Variants in PRKCQ observed in about 807,000 individuals in gnomAD.
PRKCQ encodes protein kinase C theta type.
Under a neutral mutation model 91.2 loss-of-function variants are expected in PRKCQ, and 41 were observed. The observed-to-expected ratio is 0.45, with a 90% CI of 0.35 to 0.58. The LOEUF (loss-of-function observed/expected upper bound fraction) is 0.58, where lower values mean the gene tolerates loss of function less well. Among genes scored for constraint, PRKCQ ranks in the 20% least tolerant of loss-of-function variants. The pLI is 0.00. For synonymous variants in PRKCQ, 307 were observed against 316.9 expected, an observed-to-expected ratio of 0.97 and a Z score of 0.33; for missense variants, 673 against 896.5, an observed-to-expected ratio of 0.75 and a Z score of 3.18.
intron 3 of PRKCQ, 150 bp downstream of exon 3, chr10:6,510,845 C>T: frequency 1.3e-6 from 1 of 764,764 alleles, no homozygotes; most frequent in Admixed American, 2.3e-5. Flanking sequence ...ATAACCATCG[C>T]CATTATCAAA....
intron 8 of PRKCQ, among the ~76,000 whole-genome samples, chr10:6,488,542 C>A (rs1449926966): frequency 1.3e-5 from 2 of 151,894 alleles, no homozygotes; most frequent in African/African-American, 4.8e-5. Context: ...CCCATCACCA[C>A]ACCCAGCTAA....
intron 14 of PRKCQ, among the ~76,000 whole-genome samples, chr10:6,460,331 A>T (rs1471202938): frequency 6.6e-6 from 1 of 151,492 alleles, no homozygotes; most frequent in Non-Finnish European, 1.5e-5. Context: ...TTAATAATTT[A>T]CATGGTGACA....
chr10:6,553,537 G>C (rs148843602), intron 1 of PRKCQ, among the ~76,000 whole-genome samples: 1 of 141,978 alleles, frequency 7.0e-6, no homozygotes, highest in South Asian at 2.3e-4. Context: ...AAAAGAAGAA[G>C]AAGAAGAAAG....
In PRKCQ at chr10:6,430,693, G is replaced by A; in HGVS notation, c.1965+117C>T. The A allele has an allele frequency of 2.1e-6, 3 of 1,405,548 alleles. No homozygotes were observed. The highest frequency in any genetic ancestry group is 2.9e-6 in the Non-Finnish European group (3 of 1,026,808). 87.1% of individuals were successfully genotyped at this position (1,405,548 alleles called of 1,614,324 possible). The stretch of plus-strand genomic sequence containing the variant: ...ACGTGCATTCCTCCTGGAGAGTGGG[G>A]CTGGTGGGGAGTTGGGGCACCGGCA... On this transcript the variant is annotated intron_variant, in intron 17 of 17. Transcript: ENST00000263125. This position sits in a 1 kb window ranked among gnomAD's most constrained non-coding sequence, Gnocchi z 4.7.
intron 15 of PRKCQ, among the ~76,000 whole-genome samples, chr10:6,455,435 A>G (rs921046594): frequency 1.3e-5 from 2 of 152,212 alleles, no homozygotes; most frequent in African/African-American, 4.8e-5. Flanking sequence ...ATATCACCCA[A>G]CCACAGGGCA....
chr10:6,522,266 G>A (rs891884932), intron 1 of PRKCQ, among the ~76,000 whole-genome samples: 1 of 152,162 alleles, frequency 6.6e-6, no homozygotes, highest in African/African-American at 2.4e-5. Context: ...AATTACAAAG[G>A]ATCTTTACTC....
intron 16 of PRKCQ, among the ~76,000 whole-genome samples, chr10:6,439,813 C>T (rs924930831): frequency 6.6e-6 from 1 of 152,022 alleles, no homozygotes; most frequent in Admixed American, 6.6e-5. Context: ...TATTGGTGGT[C>T]GTTTTGGGGG....
chr10:6,559,050 G>C (rs1047100818), intron 1 of PRKCQ, among the ~76,000 whole-genome samples: 2 of 152,162 alleles, frequency 1.3e-5, no homozygotes, highest in Non-Finnish European at 2.9e-5. Flanking sequence ...AATTCTTGGG[G>C]TTCTTTCTAC....
intron 1 of PRKCQ, among the ~76,000 whole-genome samples, chr10:6,566,375 C>T (rs1478106874): frequency 2.6e-5 from 4 of 152,196 alleles, no homozygotes; most frequent in African/African-American, 7.2e-5. Flanking sequence ...ACTTCTTTCC[C>T]ACTCCAGCTG....
the PRKCQ span, among the ~76,000 whole-genome samples, chr10:6,415,628 C>T: frequency 1.1e-3 from 173 of 151,656 alleles, 1 homozygote; most frequent in Non-Finnish European, 8.8e-4. Flanking sequence ...TTGTAGAATT[C>T]CCTCTGCGCT....
chr10:6,476,275 C>A (rs956220072), intron 12 of PRKCQ, among the ~76,000 whole-genome samples: 1 of 146,824 alleles, frequency 6.8e-6, no homozygotes, highest in African/African-American at 2.5e-5. Context: ...TCCCAATAGC[C>A]TTCCCCGTAA....
intron 16 of PRKCQ, among the ~76,000 whole-genome samples, chr10:6,437,545 G>C (rs11258802): frequency 0.088 from 13,454 of 152,210 alleles, 800 homozygotes; most frequent in Middle Eastern, 0.19. Flanking sequence ...TCATTATTAC[G>C]ATTGCTACAT....
intron 1 of PRKCQ, among the ~76,000 whole-genome samples, chr10:6,538,994 G>A (rs892592607): frequency 9.2e-5 from 14 of 152,042 alleles, no homozygotes; most frequent in Non-Finnish European, 1.6e-4. Flanking sequence ...GAATTCCTGA[G>A]CTCAGGCAAT....
At chr10:6,543,688 C>T (rs918881704) in intron 1 of PRKCQ, among the ~76,000 whole-genome samples, 1 of 152,194 alleles carries the variant, frequency 6.6e-6, no homozygotes, top group Non-Finnish European at 1.5e-5. Context: ...ACAAGGCCCA[C>T]GGTTCTGTTT....
chr10:6,455,323 G>A (rs920631817), intron 15 of PRKCQ, among the ~76,000 whole-genome samples: 18 of 152,200 alleles, frequency 1.2e-4, no homozygotes, highest in African/African-American at 4.3e-4. Context: ...CGATCAGAAA[G>A]TTATTTAATC....
At chr10:6,476,181 T>C (rs1396751301) in intron 12 of PRKCQ, among the ~76,000 whole-genome samples, 1 of 152,064 alleles carries the variant, frequency 6.6e-6, no homozygotes, top group Non-Finnish European at 1.5e-5. Flanking sequence ...AGATCTCTCA[T>C]AAGAGGGACA....
In PRKCQ at chr10:6,525,144, A is replaced by AT. The variant is rs1564373823; in HGVS notation, c.-9-10001_-9-10000insA. Among the ~76,000 whole-genome samples the AT allele has an allele frequency of 4.3e-3, 648 of 149,980 alleles. 2 individuals carry two copies. Among genetic ancestry groups the AT allele is most frequent in the African/African-American group, 0.015 (606 of 40,770 alleles). ...TTGAAATGACTATGGATTTATTTTAAGTTCTTTTTTTTTTTTTTTGAGGGT... is the reference window on the plus strand; with the variant it reads ...TTGAAATGACTATGGATTTATTTTAATGTTCTTTTTTTTTTTTTTTGAGGGT... On this transcript the variant is annotated intron_variant, in intron 1 of 17. Coordinates refer to ENST00000263125, the MANE Select transcript of PRKCQ (RefSeq NM_006257.5).
Position 6,469,549 on chromosome 10 carries a change from G to T in PRKCQ, c.1354-5145C>A, listed in dbSNP as rs79458530. ...CCTCTTGCTTGGGTCTAAGGTTTAG[G>T]ACATGGAATGAACAATTTTCCAATT... is the stretch of plus-strand genomic sequence containing the variant. On this transcript the variant is annotated intron_variant, in intron 12 of 17. Coordinates refer to ENST00000263125, the MANE Select transcript of PRKCQ (RefSeq NM_006257.5). Among the ~76,000 whole-genome samples, 839 of 152,296 alleles carry T rather than the reference G, an allele frequency of 5.5e-3. 5 individuals carry two copies. Among genetic ancestry groups the T allele is most frequent in the African/African-American group, 0.019 (786 of 41,564 alleles).
chr10:6,520,257 G>A (rs184737747), intron 1 of PRKCQ, among the ~76,000 whole-genome samples: 2 of 152,092 alleles, frequency 1.3e-5, no homozygotes, highest in Admixed American at 1.3e-4. Context: ...TTGCCAGCTC[G>A]GTGCTGGGTG....
Sources: allele counts gnomAD v4.1 joint callset (sites outside exome capture counted in the v4.1 genomes callset), GRCh38; gene constraint gnomAD v4.1.1; non-coding constraint Gnocchi (gnomAD v3.1); transcripts MANE v1.5; gene names NCBI Gene and HGNC (gene_info 2026-07-23, HGNC 2026-07-21).